Variants in SLC3A1 observed in about 807,000 individuals in gnomAD.
SLC3A1 encodes the protein amino acid transporter heavy chain SLC3A1.
In SLC3A1, 78 loss-of-function variants were observed where a neutral mutation model predicts 60.3. The ratio of observed to expected loss-of-function variants is 1.29; its 90% CI spans 1.08 to 1.56. SLC3A1 has a LOEUF of 1.56. SLC3A1 is among the 40% of genes most tolerant of loss of function. The pLI is 0.00. For synonymous variants in SLC3A1, 392 were observed against 307.9 expected (o/e 1.27, Z -2.86); for missense variants, 1,172 against 858.9 (o/e 1.36, Z -4.56).
At chr2:44,277,082 G>A (rs961560535) in intron 1 of SLC3A1, among the ~76,000 whole-genome samples, 24 of 138,144 alleles carry the variant, frequency 1.7e-4, no homozygotes, top group Non-Finnish European at 2.8e-4. Flanking sequence ...TCTTTTTCAC[G>A]CTCCTATCAT....
chr2:44,315,749 T>C (rs1030199059), intron 9 of SLC3A1, among the ~76,000 whole-genome samples: 1 of 151,442 alleles, frequency 6.6e-6, no homozygotes, highest in Admixed American at 6.6e-5. Flanking sequence ...TGTAGGAATT[T>C]CCTGAACTCC....
intron 4 of SLC3A1, among the ~76,000 whole-genome samples, chr2:44,288,844 A>AT (rs1379856873): frequency 2.6e-5 from 4 of 151,460 alleles, no homozygotes; most frequent in African/African-American, 4.9e-5. Context: ...TTATTTATTT[A>AT]TTTTTTTTGA....
intron 4 of SLC3A1, among the ~76,000 whole-genome samples, chr2:44,287,695 T>A (rs949736158): frequency 3.9e-5 from 6 of 152,174 alleles, no homozygotes; most frequent in African/African-American, 1.4e-4. Flanking sequence ...ATATCAGCTA[T>A]GTTCTTGTTC....
At position 44,300,052 on chromosome 2, in the gene SLC3A1, C is replaced by T; in HGVS notation, c.973C>T (p.Leu325=). 1 of 1,613,740 alleles carries T rather than the reference C, an allele frequency of 6.2e-7. No homozygotes were observed. The highest frequency in any genetic ancestry group is 8.5e-7 in the Non-Finnish European group (1 of 1,179,678). The change falls in exon 5 of 10, where the codon CTG becomes TTG. Residue 325 remains leucine, a synonymous_variant. Transcript: ENST00000260649. ...TAAATTCCTCCTAGAAGCAAAGCAC[C>T]TGAGAGATGAGATCCAAGTAAATAA... ...AVKFLLEAKH[L]RDEIQVNKTQ...
intron 4 of SLC3A1, among the ~76,000 whole-genome samples, chr2:44,293,689 G>C (rs993863195): frequency 6.6e-6 from 1 of 152,186 alleles, no homozygotes; most frequent in African/African-American, 2.4e-5. Context: ...CGTAGCTGGA[G>C]CGAATTGCTC....
chr2:44,295,591 A>G (rs916020392), intron 4 of SLC3A1, among the ~76,000 whole-genome samples: 1 of 152,266 alleles, frequency 6.6e-6, no homozygotes, highest in Non-Finnish European at 1.5e-5. Flanking sequence ...GAAAATGTCC[A>G]TCAAGCTTTT....
In SLC3A1 at chr2:44,304,229, C is replaced by G; in HGVS notation, c.1223C>G (p.Pro408Arg). 1 of 1,614,004 alleles carries G rather than the reference C, an allele frequency of 6.2e-7. No homozygotes were observed. The highest frequency in any genetic ancestry group is 8.5e-7 in the Non-Finnish European group (1 of 1,179,890). Residue 408 changes from proline (P) to arginine (R), a missense_variant, in exon 7 of 10, where the codon CCC becomes CGC. Pro to Arg is a moderately radical substitution (Grantham distance 103). Transcript: ENST00000260649. Reference protein sequence around the residue: ...GLPFIQEADFPFNNYLSMLDT... With the variant: ...GLPFIQEADFRFNNYLSMLDT... ...CCATTTATCCAAGAAGCTGATTTTC[C>G]CTTCAACAATTACCTCAGCATGCTA...
intron 4 of SLC3A1, among the ~76,000 whole-genome samples, chr2:44,290,310 C>A (rs902244151): frequency 6.6e-6 from 1 of 152,170 alleles, no homozygotes; most frequent in Non-Finnish European, 1.5e-5. Context: ...TATGTCAGTA[C>A]CACACACTGT....
In SLC3A1 at chr2:44,321,297, T is replaced by G; in HGVS notation, c.*658T>G. ...TTAATTTTTTTTTTGCTAACTCAAT[T>G]GGAAGTAAGACTATGAAATATTTCA... On this transcript the variant is annotated 3_prime_UTR_variant, in exon 10 of 10. Transcript: ENST00000260649. 2 of 1,361,784 alleles carry G rather than the reference T, an allele frequency of 1.5e-6. No homozygotes were observed. The highest frequency in any genetic ancestry group is 4.3e-5 in the Admixed American group (2 of 46,508). 84.4% of individuals were successfully genotyped at this position (1,361,784 alleles called of 1,614,324 possible). A position where few individuals can be genotyped will look rare whatever the true frequency, so the allele number is the denominator to read the frequency against.
intron 9 of SLC3A1, among the ~76,000 whole-genome samples, chr2:44,316,049 C>T (rs1245709208): frequency 6.6e-6 from 1 of 152,188 alleles, no homozygotes; most frequent in East Asian, 1.9e-4. Flanking sequence ...AAGAACCCTA[C>T]ATCCCAATGT....
rs201376169 is a variant in SLC3A1, at chr2:44,286,030, A to C, written c.766-2A>C. On this transcript the variant is annotated splice_acceptor_variant, in intron 3 of 9. Coordinates refer to ENST00000260649, the MANE Select transcript of SLC3A1 (RefSeq NM_000341.4). LOFTEE classifies it high-confidence loss of function. ...TGATGTGCTGTTTTCTTTGTTTGCC[A>C]GTTAAGTGTGTATGGAAACTCCAGT... 2.5e-6 allele frequency: 4 copies of C among 1,614,148 alleles called. No homozygotes were observed. The highest frequency in any genetic ancestry group is 2.2e-5 in the East Asian group (1 of 44,874).
At chr2:44,294,968 T>A (rs1572799915) in intron 4 of SLC3A1, among the ~76,000 whole-genome samples, 1 of 152,160 alleles carries the variant, frequency 6.6e-6, no homozygotes, top group East Asian at 1.9e-4. Context: ...GGTCTTGAAC[T>A]CCTGAGCTTA....
chr2:44,301,183 G>A (rs1437250425), intron 6 of SLC3A1, 56 bp downstream of exon 6: 1 of 1,606,300 alleles, frequency 6.2e-7, no homozygotes, highest in East Asian at 2.2e-5. Context: ...GATCTGCAGT[G>A]TATCCCTCAC....
chr2:44,275,847 C>A lies in SLC3A1; in HGVS notation c.312C>A (p.Thr104=), dbSNP rs757181942. The change falls in exon 1 of 10, where the codon ACC becomes ACA. Residue 104 remains threonine (T), a synonymous_variant. Transcript: ENST00000260649. ...CTGTGCTGGTGCTCATCGCGGCCAC[C>A]ATAGCCATCATTGCCCTCTCTCCAA... is the stretch of plus-strand genomic sequence containing the variant. ...VASVLVLIAA[T]IAIIALSPKC... 3 of 1,614,266 alleles carry A rather than the reference C, an allele frequency of 1.9e-6. No homozygotes were observed. The highest frequency in any genetic ancestry group is 2.5e-6 in the Non-Finnish European group (3 of 1,180,050).
chr2:44,302,823 T>A (rs1359729900), intron 6 of SLC3A1, among the ~76,000 whole-genome samples: 2 of 152,228 alleles, frequency 1.3e-5, no homozygotes, highest in Non-Finnish European at 2.9e-5. Context: ...AAAGTCTTCA[T>A]GGATGTCAAC....
chr2:44,320,265 G>A lies in SLC3A1; in HGVS notation c.1684G>A (p.Glu562Lys). ...YQDLSLLHAN[E>K]LLLNRGWFCH... ...AGATTTAAGTCTACTTCATGCCAAT[G>A]AGCTACTCCTCAACAGGGGCTGGTT... Residue 562 changes from glutamate to lysine, a missense_variant, in exon 10 of 10, where the codon GAG becomes AAG. Physicochemically the swap from Glu to Lys is moderately conservative, Grantham distance 56 (BLOSUM62 1). Transcript: ENST00000260649. The A allele has an allele frequency of 1.9e-6, 3 of 1,614,092 alleles. No individual in the cohort carries two copies. Among genetic ancestry groups the A allele is most frequent in the Non-Finnish European group, 2.5e-6 (3 of 1,179,976 alleles).
At chr2:44,284,294 G>A (rs890061165) in intron 3 of SLC3A1, among the ~76,000 whole-genome samples, 1 of 152,094 alleles carries the variant, frequency 6.6e-6, no homozygotes, top group Non-Finnish European at 1.5e-5. Context: ...TGGCCAGGCT[G>A]GTCTTGAACT....
intron 3 of SLC3A1, among the ~76,000 whole-genome samples, chr2:44,282,458 C>A: frequency 6.6e-6 from 1 of 152,046 alleles, no homozygotes; most frequent in East Asian, 1.9e-4. Context: ...CAGAAGCCAT[C>A]AAGCCTGCCT....
At chr2:44,321,576 C>A (rs972610621), downstream of SLC3A1, 14 of 1,494,974 alleles carry the variant, frequency 9.4e-6, no homozygotes, top group Admixed American at 2.5e-5. Flanking sequence ...TACTTTCATT[C>A]GAGAGAGAGG....
Sources: gnomAD v4.1 joint callset for allele counts (sites outside exome capture counted in the v4.1 genomes callset) on GRCh38, gnomAD v4.1.1 for gene constraint, MANE v1.5 for transcripts, NCBI Gene and HGNC (gene_info 2026-07-23, HGNC 2026-07-21) for gene names.